UBE2D2: variants seen among roughly 807,000 people sequenced by gnomAD.
The protein encoded by UBE2D2 is ubiquitin conjugating enzyme E2 D2.
A neutral mutation model predicts 24.2 loss-of-function variants in UBE2D2; 2 were observed. The ratio of observed to expected loss-of-function variants is 0.08; its 90% CI spans 0.03 to 0.26. UBE2D2 has a LOEUF of 0.26. UBE2D2 is among the 10% of genes least tolerant of loss of function. The pLI, the probability that UBE2D2 is intolerant of heterozygous loss-of-function variation, is 1.00. For missense variants in UBE2D2, 44 were observed against 177.6 expected (o/e 0.25, Z 4.28); for synonymous variants, 58 against 56.5 (o/e 1.03, Z -0.12).
chr5:139,531,706 A>G (rs557206414), intron 1 of UBE2D2, among the ~76,000 whole-genome samples: 92 of 152,250 alleles, frequency 6.0e-4, no homozygotes, highest in Non-Finnish European at 1.1e-3. Context: ...ACATGCCTGT[A>G]ATCCCAGCAC....
chr5:139,623,321 C>A, intron 5 of UBE2D2, 47 bp from the exon 6 acceptor site: 16 of 1,423,254 alleles, frequency 1.1e-5, no homozygotes, highest in Non-Finnish European at 1.6e-5. Context: ...TTCTCTCAAC[C>A]CTTTGCTTTG....
At chr5:139,568,018 A>G (rs1221002912) in intron 1 of UBE2D2, among the ~76,000 whole-genome samples, 1 of 152,146 alleles carries the variant, frequency 6.6e-6, no homozygotes, top group Non-Finnish European at 1.5e-5. Context: ...TAAAGAAAGT[A>G]GTTGTAACGC....
At chr5:139,569,917 C>T (rs572255177) in intron 1 of UBE2D2, among the ~76,000 whole-genome samples, 1 of 152,166 alleles carries the variant, frequency 6.6e-6, no homozygotes, top group African/African-American at 2.4e-5. Flanking sequence ...GAAGATCTTC[C>T]TCAACTTCCC....
At chr5:139,584,830 G>T (rs1165748851) in intron 1 of UBE2D2, among the ~76,000 whole-genome samples, 1 of 150,742 alleles carries the variant, frequency 6.6e-6, no homozygotes, top group Non-Finnish European at 1.5e-5. Flanking sequence ...ACCGTGCCTA[G>T]CCCAAAACAC....
chr5:139,538,805 G>A (rs1478708141), intron 1 of UBE2D2, among the ~76,000 whole-genome samples: 15 of 151,590 alleles, frequency 9.9e-5, no homozygotes, highest in Non-Finnish European at 1.8e-4. Context: ...CCCAGGAGGC[G>A]GAGGTTGCGG....
upstream of UBE2D2, among the ~76,000 whole-genome samples, chr5:139,557,065 C>T (rs1752990137): frequency 6.6e-6 from 1 of 151,854 alleles, no homozygotes; most frequent in Non-Finnish European, 1.5e-5. Flanking sequence ...GAACTCCTGA[C>T]CTTGTGATCT....
At chr5:139,609,261 G>T (rs774085848) in intron 2 of UBE2D2, among the ~76,000 whole-genome samples, 1 of 151,992 alleles carries the variant, frequency 6.6e-6, no homozygotes, top group African/African-American at 2.4e-5. Context: ...TTTATATTTT[G>T]TCTGGGTGTG....
chr5:139,599,118 T>C (rs1211738556), intron 1 of UBE2D2, among the ~76,000 whole-genome samples: 1 of 151,390 alleles, frequency 6.6e-6, no homozygotes, highest in African/African-American at 2.4e-5. Flanking sequence ...TTAGTAGAAA[T>C]GGGGTTTTAC....
At chr5:139,545,641 G>A (rs1433838059) in intron 1 of UBE2D2, among the ~76,000 whole-genome samples, 10 of 151,000 alleles carry the variant, frequency 6.6e-5, no homozygotes, top group Admixed American at 3.3e-4. Flanking sequence ...GGCCAGGCTG[G>A]TCTTGAACTC....
intron 1 of UBE2D2, among the ~76,000 whole-genome samples, chr5:139,527,450 T>C (rs1752555087): frequency 6.6e-6 from 1 of 152,192 alleles, no homozygotes; most frequent in Non-Finnish European, 1.5e-5. Flanking sequence ...CACAAACTTA[T>C]AAGGTTTTCA....
chr5:139,539,647 A>G (rs929853366), intron 1 of UBE2D2, among the ~76,000 whole-genome samples: 9 of 152,088 alleles, frequency 5.9e-5, no homozygotes, highest in African/African-American at 7.2e-5. Context: ...GCGGGAGTGC[A>G]GTGGCTCGAT....
At chr5:139,529,415 T>G (rs1022135694) in intron 1 of UBE2D2, among the ~76,000 whole-genome samples, 3 of 152,158 alleles carry the variant, frequency 2.0e-5, no homozygotes, top group Admixed American at 2.0e-4. Flanking sequence ...AAGATGCAGT[T>G]CTCTAGATTG....
chr5:139,536,721 C>T (rs1359207504), intron 1 of UBE2D2, among the ~76,000 whole-genome samples: 1 of 152,052 alleles, frequency 6.6e-6, no homozygotes, highest in Non-Finnish European at 1.5e-5. Context: ...AACTCCTGAA[C>T]TCATGTGATC....
chr5:139,553,706 T>A (rs1157183017), intron 1 of UBE2D2, among the ~76,000 whole-genome samples: 1 of 152,184 alleles, frequency 6.6e-6, no homozygotes, highest in East Asian at 1.9e-4. Flanking sequence ...TAAAAATTTA[T>A]AATATTGTTT....
chr5:139,531,891 G>T (rs1752602622), intron 1 of UBE2D2, among the ~76,000 whole-genome samples: 1 of 152,066 alleles, frequency 6.6e-6, no homozygotes, highest in African/African-American at 2.4e-5. Flanking sequence ...GGAGGCTAGG[G>T]TGGGAGGTTT....
At chr5:139,590,592 C>T (rs1265069341) in intron 1 of UBE2D2, among the ~76,000 whole-genome samples, 2 of 151,604 alleles carry the variant, frequency 1.3e-5, no homozygotes, top group Non-Finnish European at 2.9e-5. Context: ...AACATGTAAA[C>T]AGTACTGTCT....
At chr5:139,571,965 T>A (rs909081972) in intron 1 of UBE2D2, among the ~76,000 whole-genome samples, 2 of 152,038 alleles carry the variant, frequency 1.3e-5, no homozygotes, top group African/African-American at 4.8e-5. Context: ...CTTTTTAAAC[T>A]TCCCTCTTCC....
In UBE2D2 at chr5:139,561,610, G is replaced by A; in HGVS notation, c.-182G>A. 2.2e-6 allele frequency: 1 copy of A among 449,428 alleles called. No homozygotes were observed. Among genetic ancestry groups the A allele is most frequent in the Non-Finnish European group, 3.9e-6 (1 of 257,884 alleles). 27.8% of individuals were successfully genotyped at this position (449,428 alleles called of 1,614,324 possible). A position where few individuals can be genotyped will look rare whatever the true frequency, so the allele number is the denominator to read the frequency against. ...GCCGGGTGATGCGGTGACCGCTGCG[G>A]CAGGCCCAGGAGCTGAGTGGGCCCC... On this transcript the variant is annotated 5_prime_UTR_variant, in exon 1 of 7. Transcript: ENST00000398733.
intron 1 of UBE2D2, among the ~76,000 whole-genome samples, chr5:139,532,353 A>AT (rs746107839): frequency 0.027 from 2,178 of 81,226 alleles, 21 homozygotes; most frequent in Non-Finnish European, 0.035. Flanking sequence ...TAGTTTTCGT[A>AT]TTTTTTTTTT....
Sources: gnomAD v4.1 joint callset for allele counts (sites outside exome capture counted in the v4.1 genomes callset) on GRCh38, gnomAD v4.1.1 for gene constraint, MANE v1.5 for transcripts, NCBI Gene and HGNC (gene_info 2026-07-23, HGNC 2026-07-21) for gene names.